TACC2: variants seen among roughly 807,000 people sequenced by gnomAD.
TACC2 encodes transforming acidic coiled-coil containing protein 2.
TACC2 carries 137 observed loss-of-function variants against 227.3 expected under a neutral mutation model. That is an observed-to-expected ratio of 0.60 (90% CI 0.52 to 0.69). The LOEUF is 0.69. Ranked by LOEUF, TACC2 falls within the 30% of genes least tolerant of loss-of-function variation. The pLI is 0.00. For synonymous variants in TACC2, 1,523 were observed against 1,487.5 expected, an observed-to-expected ratio of 1.02 and a Z score of -0.55; for missense variants, 3,470 against 3,694.4, an observed-to-expected ratio of 0.94 and a Z score of 1.57.
chr10:122,088,331 G>T lies in TACC2; in HGVS notation c.5460-147G>T, dbSNP rs187826975. ...CTGCTTTTGAATCTGGATTTATTTA[G>T]TCAGGGGGCCCTTTTTCCTAGGGAT... On this transcript the variant is annotated intron_variant, in intron 4 of 22. Transcript: ENST00000369005. 1.7e-5 allele frequency: 12 copies of T among 717,400 alleles called. No individual in the cohort carries two copies. The East Asian group carries it at 3.3e-4, about 20-fold the overall frequency. The allele number at this position is 717,400 out of a possible 1,614,324, so 44.4% of individuals were successfully genotyped here.
intron 7 of TACC2, among the ~76,000 whole-genome samples, chr10:122,151,715 A>G (rs948957551): frequency 1.3e-5 from 2 of 152,112 alleles, no homozygotes; most frequent in African/African-American, 4.8e-5. Flanking sequence ...GCCATGTGGA[A>G]GTTGTTCCTG....
intron 3 of TACC2, among the ~76,000 whole-genome samples, chr10:122,073,126 A>AATATATATATATATAT (rs1167084872): frequency 1.4e-5 from 1 of 71,018 alleles, no homozygotes. Flanking sequence ...AAAAAAAAAA[A>AATATATATATATATAT]ATATATATAT....
rs2080123770 is a variant in TACC2 at position 122,086,660 on chromosome 10, G to T, written c.4160G>T (p.Gly1387Val). 6.2e-7 allele frequency: 1 copy of T among 1,610,680 alleles called. No individual in the cohort carries two copies. Among genetic ancestry groups the T allele is most frequent in the South Asian group, 1.1e-5 (1 of 90,312 alleles). The change falls in exon 4 of 23, where the codon GGC becomes GTC. Residue 1387 changes from glycine (G) to valine (V), a missense_variant. Coordinates refer to ENST00000369005, the MANE Select transcript of TACC2 (RefSeq NM_206862.4). ...GAGCCTTCCCAGGACCCAAAGCAGG[G>T]CACATCAGGTGGTGTGGACACAAGC... The part of the protein sequence containing the change: ...MGEPSQDPKQ[G>V]TSGGVDTSSE...
chr10:122,064,102 G>A (rs1379606766), intron 3 of TACC2, among the ~76,000 whole-genome samples: 1 of 152,038 alleles, frequency 6.6e-6, no homozygotes, highest in African/African-American at 2.4e-5. Flanking sequence ...GCAGAGGTTG[G>A]AGTGAGCCAA....
intron 5 of TACC2, among the ~76,000 whole-genome samples, chr10:122,129,870 G>T (rs904748264): frequency 6.6e-6 from 1 of 152,204 alleles, no homozygotes; most frequent in Non-Finnish European, 1.5e-5. Context: ...ATAAGCAGTA[G>T]TGTGGGTGCA....
rs774413468 is a variant in TACC2, at chr10:122,180,171, T to C, written c.5835-14869T>C. 4.6e-5 allele frequency among the ~76,000 whole-genome samples: 7 copies of C among 152,226 alleles called. No homozygotes were observed. Among genetic ancestry groups the C allele is most frequent in the Admixed American group, 1.3e-4 (2 of 15,290 alleles). Reference sequence around the variant, plus strand: ...TCTCAGCGAGGCCAGGTCATTGTCATTGTTACCTGCTTCTTGGGTCTCCTG... The same window carrying C: ...TCTCAGCGAGGCCAGGTCATTGTCACTGTTACCTGCTTCTTGGGTCTCCTG... On this transcript the variant is annotated intron_variant, in intron 7 of 22. Coordinates refer to ENST00000369005, the MANE Select transcript of TACC2 (RefSeq NM_206862.4). This position sits in a 1 kb window ranked among gnomAD's most constrained non-coding sequence, Gnocchi z 4.5.
intron 5 of TACC2, among the ~76,000 whole-genome samples, chr10:122,113,555 T>C (rs1297444166): frequency 6.6e-6 from 1 of 151,796 alleles, no homozygotes; most frequent in Non-Finnish European, 1.5e-5. Context: ...TCCCCGCGCG[T>C]GGTTGTGGTT....
intron 16 of TACC2, among the ~76,000 whole-genome samples, chr10:122,230,813 A>G (rs2095727138): frequency 1.3e-5 from 2 of 152,044 alleles, no homozygotes; most frequent in African/African-American, 2.4e-5. Flanking sequence ...TTTTCTACAG[A>G]TACCATTTGC....
At chr10:122,162,773 C>G (rs898537124) in intron 7 of TACC2, among the ~76,000 whole-genome samples, 1 of 152,150 alleles carries the variant, frequency 6.6e-6, no homozygotes, top group South Asian at 2.1e-4. Flanking sequence ...TGGGGTGTCA[C>G]GGACATTCCT....
At chr10:122,042,232 A>G (rs1173856538) in intron 2 of TACC2, among the ~76,000 whole-genome samples, 1 of 151,332 alleles carries the variant, frequency 6.6e-6, no homozygotes, top group African/African-American at 2.4e-5. Context: ...GGCGTAAGCC[A>G]CTGCACATGG....
At chr10:122,234,255 C>A (rs2095815263) in intron 16 of TACC2, among the ~76,000 whole-genome samples, 1 of 152,244 alleles carries the variant, frequency 6.6e-6, no homozygotes, top group South Asian at 2.1e-4. Flanking sequence ...CAGGAAGGAC[C>A]CCAGGCACAG....
chr10:122,066,277 T>G (rs371617683), intron 3 of TACC2, among the ~76,000 whole-genome samples: 22,773 of 149,314 alleles, frequency 0.15, 1,826 homozygotes, highest in East Asian at 0.31. Flanking sequence ...CCAGCTATTT[T>G]TTTTTTTTTT....
chr10:122,076,709 T>TA (rs113901712), intron 3 of TACC2, among the ~76,000 whole-genome samples: 49 of 143,428 alleles, frequency 3.4e-4, no homozygotes, highest in Admixed American at 4.9e-4. Flanking sequence ...ACAGAAGTAT[T>TA]AAAAAAAAAA....
intron 1 of TACC2, among the ~76,000 whole-genome samples, chr10:122,001,625 C>T (rs571009173): frequency 3.3e-4 from 50 of 152,262 alleles, no homozygotes; most frequent in African/African-American, 8.9e-4. Context: ...TAAATAATTA[C>T]GTAATATTAA....
In TACC2 at chr10:122,210,934, C is replaced by T; in HGVS notation, c.6509C>T (p.Ala2170Val). 2 of 1,613,942 alleles carry T rather than the reference C, an allele frequency of 1.2e-6. No homozygotes were observed. Among genetic ancestry groups the T allele is most frequent in the Non-Finnish European group, 1.7e-6 (2 of 1,179,988 alleles). ...CTTGTCCCCAGTGGGGAGAATCTAGCATCTGAGACGAAAACGGAATCTGCC... is the reference window on the plus strand; with the variant it reads ...CTTGTCCCCAGTGGGGAGAATCTAGTATCTGAGACGAAAACGGAATCTGCC... The part of the protein sequence containing the change: ...ESLVPSGENL[A>V]SETKTESAKT... Residue 2170 changes from alanine (A) to valine (V), a missense_variant, in exon 9 of 23, where the codon GCA becomes GTA. This residue lies in a region of TACC2 where 593 missense variants were observed against 636.6 expected (regional missense o/e 0.93). Coordinates refer to ENST00000369005, the MANE Select transcript of TACC2 (RefSeq NM_206862.4). This position sits in a 1 kb window ranked among gnomAD's most constrained non-coding sequence, Gnocchi z 4.6.
chr10:122,004,247 A>C (rs1166005925), intron 1 of TACC2, among the ~76,000 whole-genome samples: 2 of 151,990 alleles, frequency 1.3e-5, no homozygotes, highest in East Asian at 3.9e-4. Flanking sequence ...AAAATACAAA[A>C]ATTAGTCGGG....
rs1289375266 is a variant in TACC2 at position 122,011,152 on chromosome 10, T to C, written c.-45-10785T>C. 4.6e-5 allele frequency among the ~76,000 whole-genome samples: 7 copies of C among 151,756 alleles called. No homozygotes were observed. In the East Asian group the frequency reaches 1.4e-3, roughly 30 times the overall value. On this transcript the variant is annotated intron_variant, in intron 1 of 22. Coordinates refer to ENST00000369005, the MANE Select transcript of TACC2 (RefSeq NM_206862.4). Reference sequence around the variant, plus strand: ...CACCACTGACCATTACCCAGTTGGGTGAGGGAGCAGACAGAGAGCTAGGTA... The same window carrying C: ...CACCACTGACCATTACCCAGTTGGGCGAGGGAGCAGACAGAGAGCTAGGTA...
intron 8 of TACC2, among the ~76,000 whole-genome samples, chr10:122,207,785 T>A (rs1277059091): frequency 6.6e-6 from 1 of 152,234 alleles, no homozygotes; most frequent in Admixed American, 6.5e-5. Flanking sequence ...TGATAACTGC[T>A]GACATTTGAA....
In TACC2 at chr10:122,071,702, T is replaced by G. The variant is rs536624108; in HGVS notation, c.147-10945T>G. Among the ~76,000 whole-genome samples the G allele has an allele frequency of 4.9e-5, 6 of 121,716 alleles. No individual in the cohort carries two copies. The South Asian group carries it at 1.9e-3, about 38-fold the overall frequency. The allele number at this position is 121,716 out of a possible 152,430, so 79.9% of individuals were successfully genotyped here. The stretch of plus-strand genomic sequence containing the variant: ...CAGGCTGGCCAACATGGGAAAACCC[T>G]GTCTCTACTAAAAATACAAAAAAAA... On this transcript the variant is annotated intron_variant, in intron 3 of 22. Coordinates refer to ENST00000369005, the MANE Select transcript of TACC2 (RefSeq NM_206862.4).
Sources: gnomAD v4.1 joint callset for allele counts (sites outside exome capture counted in the v4.1 genomes callset) on GRCh38, gnomAD v4.1.1 for gene constraint, gnomAD v4.1.1 regional missense constraint, Gnocchi (gnomAD v3.1) non-coding constraint, MANE v1.5 for transcripts, NCBI Gene and HGNC (gene_info 2026-07-23, HGNC 2026-07-21) for gene names.